The following LANCL2 variants were observed in gnomAD, a reference collection of about 807,000 sequenced individuals.
The protein encoded by LANCL2 is lanC-like protein 2.
In LANCL2, 33 loss-of-function variants were observed where a neutral mutation model predicts 56.9. The ratio of observed to expected loss-of-function variants is 0.58; its 90% CI spans 0.44 to 0.78. The LOEUF (loss-of-function observed/expected upper bound fraction) is 0.78. Among genes scored for constraint, LANCL2 ranks in the 30% least tolerant of loss-of-function variants. The probability of loss-of-function intolerance (pLI) is 0.00; values close to 1 mark genes in which losing one functional copy is unlikely to be tolerated. For missense variants in LANCL2, 562 were observed against 580.2 expected (o/e 0.97, Z 0.32); for synonymous variants, 233 against 228.2 (o/e 1.02, Z -0.19).
intron 1 of LANCL2, among the ~76,000 whole-genome samples, chr7:55,380,212 A>C (rs1562857726): frequency 6.6e-6 from 1 of 152,238 alleles, no homozygotes; most frequent in Non-Finnish European, 1.5e-5. Flanking sequence ...AGTCGTATTC[A>C]GTACTTTTAG....
intron 1 of LANCL2, among the ~76,000 whole-genome samples, chr7:55,378,899 G>T (rs576418390): frequency 6.6e-6 from 1 of 152,214 alleles, no homozygotes; most frequent in Non-Finnish European, 1.5e-5. Flanking sequence ...TTGGGAGGCC[G>T]AGGCAGGCGG....
intron 1 of LANCL2, among the ~76,000 whole-genome samples, chr7:55,390,531 A>G (rs7788827): frequency 0.35 from 52,751 of 152,010 alleles, 9,613 homozygotes; most frequent in African/African-American, 0.42. Context: ...GCTTGAAGCC[A>G]GGAGGCAGAG....
intron 1 of LANCL2, among the ~76,000 whole-genome samples, chr7:55,381,352 A>G (rs1294571649): frequency 6.6e-6 from 1 of 152,204 alleles, no homozygotes; most frequent in Non-Finnish European, 1.5e-5. Flanking sequence ...TAACAGGCTG[A>G]TGAGATAATG....
At position 55,399,953 on chromosome 7, in the gene LANCL2, T is replaced by C; in HGVS notation, c.531-4T>C. 1 of 1,608,292 alleles carries C rather than the reference T, an allele frequency of 6.2e-7. No individual in the cohort carries two copies. Among genetic ancestry groups the C allele is most frequent in the East Asian group, 2.2e-5 (1 of 44,790 alleles). ...GGAAAAAATTAATTTTTCTTATTGG[T>C]TAGACTTTTGCAGCTCCAGAGATCG... On this transcript the variant is annotated splice_polypyrimidine_tract_variant and splice_region_variant and intron_variant, in intron 3 of 8. Coordinates refer to ENST00000254770, the MANE Select transcript of LANCL2 (RefSeq NM_018697.4).
chr7:55,397,436 GGGCAAC>G (rs1790266739), intron 2 of LANCL2, among the ~76,000 whole-genome samples: 1 of 143,776 alleles, frequency 7.0e-6, no homozygotes, highest in African/African-American at 2.6e-5. Flanking sequence ...ACTCCAGCCT[GGGCAAC>G]AGAGCAAGAC....
intron 1 of LANCL2, among the ~76,000 whole-genome samples, chr7:55,367,037 T>A (rs10230732): frequency 3.9e-5 from 6 of 152,062 alleles, no homozygotes; most frequent in Non-Finnish European, 8.8e-5. Context: ...TCTTGTTTCA[T>A]GAAGAAAAGG....
intron 1 of LANCL2, among the ~76,000 whole-genome samples, chr7:55,384,871 T>C (rs1216023271): frequency 6.6e-6 from 1 of 152,126 alleles, no homozygotes; most frequent in African/African-American, 2.4e-5. Context: ...ACTACCATCA[T>C]CACCACCACC....
chr7:55,415,281 C>T lies in LANCL2; in HGVS notation c.1008+3192C>T, dbSNP rs1426486064. On this transcript the variant is annotated intron_variant, in intron 6 of 8. Transcript: ENST00000254770. Reference sequence around the variant, plus strand: ...TACCCCCACCAGGGTGACACGAGTGCAGTCCTTAGATGCTGAACTGAATCT... The same window carrying T: ...TACCCCCACCAGGGTGACACGAGTGTAGTCCTTAGATGCTGAACTGAATCT... Among the ~76,000 whole-genome samples the T allele has an allele frequency of 2.6e-5, 4 of 152,340 alleles. No individual in the cohort carries two copies. In the South Asian group the frequency reaches 8.3e-4, roughly 32 times the overall value.
At chr7:55,429,529 A>T (rs1790704909) in intron 8 of LANCL2, among the ~76,000 whole-genome samples, 1 of 152,208 alleles carries the variant, frequency 6.6e-6, no homozygotes. Flanking sequence ...TAGTTTTCAT[A>T]CTGGTAATAT....
chr7:55,376,102 C>T (rs1296234852), intron 1 of LANCL2, among the ~76,000 whole-genome samples: 1 of 152,164 alleles, frequency 6.6e-6, no homozygotes. Context: ...TCCAGGACAT[C>T]TTTGGGGGCC....
chr7:55,375,132 C>T (rs752340185), intron 1 of LANCL2, among the ~76,000 whole-genome samples: 1 of 152,134 alleles, frequency 6.6e-6, no homozygotes, highest in Non-Finnish European at 1.5e-5. Flanking sequence ...TTATTATGTG[C>T]ATGTTGAACA....
intron 6 of LANCL2, among the ~76,000 whole-genome samples, chr7:55,420,033 T>C (rs1790591972): frequency 6.6e-6 from 1 of 152,152 alleles, no homozygotes; most frequent in Non-Finnish European, 1.5e-5. Context: ...CACTGCACTC[T>C]AGCCTAGGTG....
chr7:55,417,867 C>G (rs1169603079), intron 6 of LANCL2, among the ~76,000 whole-genome samples: 3 of 151,854 alleles, frequency 2.0e-5, no homozygotes, highest in East Asian at 3.9e-4. Flanking sequence ...TTAGTAGAGA[C>G]GGGGGTTTCA....
In LANCL2 at chr7:55,431,629, C is replaced by T; in HGVS notation, c.*309C>T. 1 of 285,518 alleles carries T rather than the reference C, an allele frequency of 3.5e-6. No individual in the cohort carries two copies. The highest frequency in any genetic ancestry group is 6.6e-6 in the Non-Finnish European group (1 of 152,614). 17.7% of individuals were successfully genotyped at this position (285,518 alleles called of 1,614,324 possible). A position where few individuals can be genotyped will look rare whatever the true frequency, so the allele number is the denominator to read the frequency against. The stretch of plus-strand genomic sequence containing the variant: ...CTATTCCTGAGGGCTCAGAGCTGAC[C>T]ATGCATGAATGTATGGCAGTGTCCA... On this transcript the variant is annotated 3_prime_UTR_variant, in exon 9 of 9. Coordinates refer to ENST00000254770, the MANE Select transcript of LANCL2 (RefSeq NM_018697.4).
At chr7:55,394,222 T>A (rs1790224170) in intron 2 of LANCL2, 1 of 152,212 alleles carries the variant, frequency 6.6e-6, no homozygotes, top group Non-Finnish European at 1.5e-5. Flanking sequence ...GTTTAGGGGT[T>A]CAGGTAGATG....
At position 55,417,411 on chromosome 7, in the gene LANCL2, G is replaced by C. The variant is rs140604831; in HGVS notation, c.1008+5322G>C. Among the ~76,000 whole-genome samples the C allele has an allele frequency of 3.9e-3, 592 of 152,210 alleles. 7 individuals carry two copies. Among genetic ancestry groups the C allele is most frequent in the African/African-American group, 0.012 (514 of 41,524 alleles). ...CAAATGACCTAATAAGCCTGGGTCT[G>C]TTTCTGGACTCTATTCAGTTACTTT... On this transcript the variant is annotated intron_variant, in intron 6 of 8. Coordinates refer to ENST00000254770, the MANE Select transcript of LANCL2 (RefSeq NM_018697.4).
intron 6 of LANCL2, among the ~76,000 whole-genome samples, chr7:55,416,974 T>G (rs1029824398): frequency 1.4e-5 from 1 of 69,902 alleles, no homozygotes; most frequent in Non-Finnish European, 3.4e-5. Context: ...AGGTGGTTTT[T>G]TTTTTTTTTT....
intron 6 of LANCL2, among the ~76,000 whole-genome samples, chr7:55,414,029 T>C (rs560583833): frequency 7.2e-5 from 11 of 152,384 alleles, no homozygotes; most frequent in African/African-American, 2.4e-4. Context: ...TGTATGCATG[T>C]ATATCACATG....
intron 2 of LANCL2, among the ~76,000 whole-genome samples, chr7:55,392,716 C>G (rs1790206042): frequency 6.6e-6 from 1 of 152,028 alleles, no homozygotes; most frequent in African/African-American, 2.4e-5. Flanking sequence ...AATTTTATTT[C>G]TAAAGAAATG....
Sources: gnomAD v4.1 joint callset for allele counts (sites outside exome capture counted in the v4.1 genomes callset) on GRCh38, gnomAD v4.1.1 for gene constraint, MANE v1.5 for transcripts, NCBI Gene and HGNC (gene_info 2026-07-23, HGNC 2026-07-21) for gene names.